The following PLCH2 variants were observed in gnomAD, a reference collection of about 807,000 sequenced individuals.
PLCH2 encodes phospholipase C eta 2, also known as 1-phosphatidylinositol 4,5-bisphosphate phosphodiesterase eta-2.
A neutral mutation model predicts 134.7 loss-of-function variants in PLCH2; 98 were observed. The observed-to-expected ratio is 0.73, with a 90% CI of 0.62 to 0.86. The LOEUF is 0.86. Ranked by LOEUF, PLCH2 falls within the 40% of genes least tolerant of loss-of-function variation. PLCH2 has a pLI of 0.00. For missense variants in PLCH2, 1,994 were observed against 1,986.6 expected, an observed-to-expected ratio of 1.00 and a Z score of -0.07; for synonymous variants, 974 against 827.5, an observed-to-expected ratio of 1.18 and a Z score of -3.04.
chr1:2,480,366 G>A, intron 4 of PLCH2, 54 bp downstream of exon 4: 1 of 1,575,560 alleles, frequency 6.3e-7, no homozygotes, highest in Non-Finnish European at 8.6e-7. Context: ...CACGGGGGCT[G>A]TGCTTGTGTG....
chr1:2,490,560 A>G (rs1642519541), intron 10 of PLCH2, among the ~76,000 whole-genome samples: 1 of 152,094 alleles, frequency 6.6e-6, no homozygotes, highest in Non-Finnish European at 1.5e-5. Context: ...CAGAGGGGCC[A>G]TGCATGGGGA....
intron 5 of PLCH2, among the ~76,000 whole-genome samples, 165 bp from the exon 6 acceptor site, chr1:2,486,742 C>T (rs1047621202): frequency 2.6e-5 from 4 of 152,228 alleles, no homozygotes; most frequent in East Asian, 3.8e-4. Flanking sequence ...CCAAAAGCCA[C>T]GTGATCCACG....
At chr1:2,422,720 C>T (rs1200944014), upstream of PLCH2, among the ~76,000 whole-genome samples, 1 of 152,078 alleles carries the variant, frequency 6.6e-6, no homozygotes, top group Non-Finnish European at 1.5e-5. Context: ...CTCTGTTGCC[C>T]AGGCTGGAGT....
chr1:2,468,568 C>T (rs1210926280), intron 1 of PLCH2, among the ~76,000 whole-genome samples: 2 of 151,746 alleles, frequency 1.3e-5, no homozygotes, highest in Non-Finnish European at 1.5e-5. Context: ...GGGCCAGGGG[C>T]GGGGAGAGGA....
At chr1:2,418,734 C>T in the PLCH2 span, among the ~76,000 whole-genome samples, 219 of 152,304 alleles carry the variant, frequency 1.4e-3, no homozygotes, top group African/African-American at 4.4e-3. Flanking sequence ...CCTGTCTGTG[C>T]GAGTGGGAGT....
chr1:2,489,381 G>A lies in PLCH2; in HGVS notation c.1407+3G>A. On this transcript the variant is annotated splice_donor_region_variant and intron_variant, in intron 9 of 21. Coordinates refer to ENST00000378486, the MANE Select transcript of PLCH2 (RefSeq NM_014638.4). ...TCAAGGGCAAGATCCTCGTGAAGGT[G>A]AGTGAGCCCCTGCCCTCCTGGGACC... The A allele has an allele frequency of 6.2e-7, 1 of 1,613,396 alleles. No individual in the cohort carries two copies. The highest frequency in any genetic ancestry group is 1.7e-5 in the Admixed American group (1 of 60,006).
At chr1:2,472,342 C>T (rs929008097), upstream of PLCH2, among the ~76,000 whole-genome samples, 2 of 152,190 alleles carry the variant, frequency 1.3e-5, no homozygotes, top group African/African-American at 4.8e-5. Flanking sequence ...GTGGCCACTT[C>T]CTCCTCCCTC....
chr1:2,499,924 T>C (rs529916281), intron 20 of PLCH2: 2 of 611,826 alleles, frequency 3.3e-6, no homozygotes, highest in Middle Eastern at 4.3e-4. Flanking sequence ...ACCTCTGATC[T>C]CAGGGCTGGC....
At chr1:2,491,594 G>A (rs1401794032) in intron 11 of PLCH2, among the ~76,000 whole-genome samples, 3 of 152,234 alleles carry the variant, frequency 2.0e-5, no homozygotes, top group East Asian at 1.9e-4. Context: ...CCTGCCCAGC[G>A]CCCCTGCCTA....
In PLCH2 at chr1:2,477,309, C is replaced by A. The variant is rs985465995; in HGVS notation, c.124+597C>A. ...TCACCCCTCTCCTAAATCCCTGCAG[C>A]CATACCTGCGTCTTCACCTCCCATG... On this transcript the variant is annotated intron_variant, in intron 1 of 21. Transcript: ENST00000378486. Among the ~76,000 whole-genome samples, 7 of 152,256 alleles carry A rather than the reference C, an allele frequency of 4.6e-5. No individual in the cohort carries two copies. In the East Asian group the frequency reaches 1.4e-3, roughly 29 times the overall value.
chr1:2,429,852 C>T (rs571645273), intron 1 of PLCH2, among the ~76,000 whole-genome samples: 57 of 152,264 alleles, frequency 3.7e-4, no homozygotes, highest in Admixed American at 1.3e-3. Flanking sequence ...CCTCCTGTAC[C>T]CAGCACAGCA....
chr1:2,449,280 C>T (rs1640087293), intron 2 of PLCH2, among the ~76,000 whole-genome samples: 1 of 152,148 alleles, frequency 6.6e-6, no homozygotes, highest in African/African-American at 2.4e-5. Flanking sequence ...CACCTGAGAT[C>T]AGGAGTTCGA....
Position 2,489,206 on chromosome 1 carries a change from G to T in PLCH2, c.1236-1G>T, listed in dbSNP as rs565993732. 1.2e-6 allele frequency: 2 copies of T among 1,613,458 alleles called. No individual in the cohort carries two copies. The highest frequency in any genetic ancestry group is 1.3e-5 in the African/African-American group (1 of 75,028). On this transcript the variant is annotated splice_acceptor_variant, in intron 8 of 21. Coordinates refer to ENST00000378486, the MANE Select transcript of PLCH2 (RefSeq NM_014638.4). LOFTEE classifies it high-confidence loss of function. Reference sequence around the variant, plus strand: ...CTGCTCTTTCTGCCTTGGGGCCACAGGTACCCAGTGATCCTGTCCATCGAA... The same window carrying T: ...CTGCTCTTTCTGCCTTGGGGCCACATGTACCCAGTGATCCTGTCCATCGAA...
chr1:2,457,752 C>T (rs916126305), intron 2 of PLCH2, among the ~76,000 whole-genome samples: 2 of 152,040 alleles, frequency 1.3e-5, no homozygotes, highest in East Asian at 1.9e-4. Context: ...ACCCTGGTAC[C>T]CACAGCCTCG....
intron 1 of PLCH2, among the ~76,000 whole-genome samples, chr1:2,468,370 G>T (rs1028384280): frequency 6.6e-6 from 1 of 152,280 alleles, no homozygotes; most frequent in Non-Finnish European, 1.5e-5. Flanking sequence ...ACATTGCCCT[G>T]CGCAGACAGA....
intron 2 of PLCH2, among the ~76,000 whole-genome samples, chr1:2,461,209 G>C (rs2477686): frequency 0.64 from 96,930 of 152,206 alleles, 33,125 homozygotes; most frequent in East Asian, 0.88. Flanking sequence ...GGCACAGAAT[G>C]TAGGTCAGGC....
intron 2 of PLCH2, among the ~76,000 whole-genome samples, chr1:2,440,226 A>T (rs1245292583): frequency 6.6e-6 from 1 of 151,980 alleles, no homozygotes; most frequent in Non-Finnish European, 1.5e-5. Flanking sequence ...TGGCCCAGGA[A>T]GTGGCCCATC....
At chr1:2,495,680 T>C in intron 13 of PLCH2, 110 bp downstream of exon 13, 1 of 696,306 alleles carries the variant, frequency 1.4e-6, no homozygotes, top group East Asian at 3.1e-5. Flanking sequence ...GGGCAGGACC[T>C]ACCCCCTTCT....
intron 11 of PLCH2, chr1:2,494,311 T>C (rs771100329): frequency 2.3e-5 from 4 of 171,518 alleles, no homozygotes; most frequent in Non-Finnish European, 5.0e-5. Context: ...CTGCTACTTA[T>C]ACAGCGGTAG....
Sources: allele counts gnomAD v4.1 joint callset (sites outside exome capture counted in the v4.1 genomes callset), GRCh38; gene constraint gnomAD v4.1.1; transcripts MANE v1.5; gene names NCBI Gene and HGNC (gene_info 2026-07-23, HGNC 2026-07-21).